The following PKNOX2 variants were observed in gnomAD, a reference collection of about 807,000 sequenced individuals.
PKNOX2 encodes PBX/knotted 1 homeobox 2.
In PKNOX2, 14 loss-of-function variants were observed where a neutral mutation model predicts 53.1. The observed-to-expected ratio is 0.26, with a 90% CI of 0.17 to 0.41. The LOEUF (loss-of-function observed/expected upper bound fraction) is 0.41, where lower values mean the gene tolerates loss of function less well. PKNOX2 is among the 10% of genes least tolerant of loss of function. The pLI is 1.00. For synonymous variants in PKNOX2, 257 were observed against 242.8 expected, an observed-to-expected ratio of 1.06 and a Z score of -0.54; for missense variants, 496 against 602.8, an observed-to-expected ratio of 0.82 and a Z score of 1.85.
At chr11:125,361,505 G>A (rs984163187) in intron 4 of PKNOX2, among the ~76,000 whole-genome samples, 1 of 152,096 alleles carries the variant, frequency 6.6e-6, no homozygotes, top group Admixed American at 6.5e-5. Flanking sequence ...TGAAACCCAC[G>A]CTTCTGCTCT....
At chr11:125,317,419 G>C (rs1384350986) in intron 2 of PKNOX2, among the ~76,000 whole-genome samples, 1 of 152,204 alleles carries the variant, frequency 6.6e-6, no homozygotes, top group Non-Finnish European at 1.5e-5. Context: ...ATGGCAGCAA[G>C]AGCCTTAACA....
Position 125,166,608 on chromosome 11 carries a change from G to A in PKNOX2, c.-201+1832G>A, listed in dbSNP as rs1426707951. Among the ~76,000 whole-genome samples the A allele has an allele frequency of 6.6e-6, 1 of 152,158 alleles. No individual in the cohort carries two copies. The highest frequency in any genetic ancestry group is 1.5e-5 in the Non-Finnish European group (1 of 68,026). On this transcript the variant is annotated intron_variant, in intron 1 of 12. Coordinates refer to ENST00000298282, the MANE Select transcript of PKNOX2 (RefSeq NM_001382323.2). The surrounding 1 kb of genome is among the most constrained non-coding windows in gnomAD (Gnocchi z 4.0). ...CGGTGGCCCGCAGGGGCCGCGGCCTGCGATGAAGGCCGGGGGGCAGCGCTA... is the reference window on the plus strand; with the variant it reads ...CGGTGGCCCGCAGGGGCCGCGGCCTACGATGAAGGCCGGGGGGCAGCGCTA...
intron 7 of PKNOX2, among the ~76,000 whole-genome samples, chr11:125,402,597 C>T (rs952636220): frequency 6.6e-6 from 1 of 152,182 alleles, no homozygotes. Context: ...CCAAGAGGAG[C>T]TCCCAGTCTC....
At chr11:125,330,689 C>T (rs898806555) in intron 2 of PKNOX2, among the ~76,000 whole-genome samples, 2 of 152,222 alleles carry the variant, frequency 1.3e-5, no homozygotes, top group South Asian at 2.1e-4. Flanking sequence ...AGTGCACACA[C>T]ACAAACACAC....
chr11:125,314,652 G>A (rs988684424), intron 2 of PKNOX2, among the ~76,000 whole-genome samples: 1 of 152,138 alleles, frequency 6.6e-6, no homozygotes, highest in Non-Finnish European at 1.5e-5. Flanking sequence ...AGGCAGTGCA[G>A]CCCCCAGCTC....
chr11:125,175,207 AGAAGGAAGGAAGGAAG>A (rs368917674), intron 1 of PKNOX2, among the ~76,000 whole-genome samples: 4 of 139,080 alleles, frequency 2.9e-5, no homozygotes. Context: ...GGGTTTGAGG[AGAAGGAAGGAAGGAAG>A]GAAGGAAGGA....
At chr11:125,349,518 C>G (rs1300932660) in intron 3 of PKNOX2, among the ~76,000 whole-genome samples, 1 of 152,176 alleles carries the variant, frequency 6.6e-6, no homozygotes, top group African/African-American at 2.4e-5. Context: ...GGCGGTGAGG[C>G]CGACGGAACC....
intron 7 of PKNOX2, among the ~76,000 whole-genome samples, chr11:125,400,177 G>T (rs923015392): frequency 2.0e-5 from 3 of 152,152 alleles, no homozygotes; most frequent in African/African-American, 7.2e-5. Context: ...TGGGGGAGGG[G>T]GTGATGCAAG....
intron 2 of PKNOX2, among the ~76,000 whole-genome samples, chr11:125,323,825 C>T (rs947671807): frequency 6.6e-6 from 1 of 151,490 alleles, no homozygotes; most frequent in African/African-American, 2.4e-5. Context: ...GAATCTGTGC[C>T]TTTGTGTGTC....
chr11:125,173,935 C>T (rs926857980), intron 1 of PKNOX2, among the ~76,000 whole-genome samples: 1 of 152,220 alleles, frequency 6.6e-6, no homozygotes, highest in African/African-American at 2.4e-5. Flanking sequence ...CTCTGGGTTC[C>T]AGCGTAGCAC....
chr11:125,406,164 G>A (rs1955083349), intron 7 of PKNOX2, among the ~76,000 whole-genome samples: 1 of 152,208 alleles, frequency 6.6e-6, no homozygotes, highest in South Asian at 2.1e-4. Flanking sequence ...ATAATACTGT[G>A]TGCTTAGCCA....
At chr11:125,286,624 C>T (rs979030754) in intron 2 of PKNOX2, among the ~76,000 whole-genome samples, 10 of 152,224 alleles carry the variant, frequency 6.6e-5, no homozygotes, top group South Asian at 2.1e-4. Flanking sequence ...GGCCTGGTGT[C>T]GCCTGCCGGG....
At chr11:125,360,014 A>G (rs567986326) in intron 4 of PKNOX2, among the ~76,000 whole-genome samples, 4 of 152,240 alleles carry the variant, frequency 2.6e-5, no homozygotes, top group African/African-American at 4.8e-5. Context: ...GTGAGCCACC[A>G]TGCCCGGTGT....
At position 125,305,345 on chromosome 11, in the gene PKNOX2, C is replaced by T. The variant is rs540367878; in HGVS notation, c.-129-26474C>T. ...CCTGACTTGCAGGCAAGGGTCCTTT[C>T]TACCCAACCACACTGACCTGCTTAG... On this transcript the variant is annotated intron_variant, in intron 2 of 12. Transcript: ENST00000298282. Among the ~76,000 whole-genome samples the T allele has an allele frequency of 1.2e-4, 19 of 152,330 alleles. No homozygotes were observed. In the South Asian group the frequency reaches 3.9e-3, roughly 32 times the overall value.
chr11:125,237,533 A>G (rs1244559421), intron 2 of PKNOX2, among the ~76,000 whole-genome samples: 2 of 152,208 alleles, frequency 1.3e-5, no homozygotes, highest in African/African-American at 4.8e-5. Flanking sequence ...AGCCTCATCT[A>G]TTTCCCAGAA....
chr11:125,233,926 T>A (rs1293882123), intron 1 of PKNOX2, among the ~76,000 whole-genome samples: 2 of 152,234 alleles, frequency 1.3e-5, no homozygotes, highest in Non-Finnish European at 2.9e-5. Flanking sequence ...CTCTATTGCC[T>A]GACACCAAAA....
rs34023012 is a variant in PKNOX2, at chr11:125,411,460, CTT to C, written c.817-284_817-283del. 1,766 of 385,492 alleles carry C rather than the reference CTT, an allele frequency of 4.6e-3. 37 individuals carry two copies. Among genetic ancestry groups the C allele is most frequent in the African/African-American group, 0.016 (593 of 36,720 alleles). 23.9% of individuals were successfully genotyped at this position (385,492 alleles called of 1,614,324 possible). On this transcript the variant is annotated intron_variant, in intron 9 of 12. Transcript: ENST00000298282. ...CTCTGCATGGCCCTGTTTCCTCTGT[CTT>C]TCTCTCTCTCTCTCTCTCTCTCTCT...
intron 2 of PKNOX2, among the ~76,000 whole-genome samples, chr11:125,256,872 G>A (rs900372144): frequency 3.3e-5 from 5 of 152,136 alleles, no homozygotes; most frequent in African/African-American, 9.7e-5. Flanking sequence ...CCTCTGTCTC[G>A]GCTGCCAACA....
intron 2 of PKNOX2, among the ~76,000 whole-genome samples, chr11:125,239,292 G>A (rs1250261023): frequency 6.6e-6 from 1 of 152,210 alleles, no homozygotes. Flanking sequence ...CAGGTATACT[G>A]CTGCAGAGGA....
Sources: gnomAD v4.1 joint callset for allele counts (sites outside exome capture counted in the v4.1 genomes callset) on GRCh38, gnomAD v4.1.1 for gene constraint, Gnocchi (gnomAD v3.1) non-coding constraint, MANE v1.5 for transcripts, NCBI Gene and HGNC (gene_info 2026-07-23, HGNC 2026-07-21) for gene names.